ZNF804A: variants seen among roughly 807,000 people sequenced by gnomAD.
ZNF804A encodes the protein zinc finger protein 804A.
A neutral mutation model predicts 16.5 loss-of-function variants in ZNF804A; 2 were observed. That is an observed-to-expected ratio of 0.12 (90% CI 0.05 to 0.38). The LOEUF (loss-of-function observed/expected upper bound fraction) is 0.38, where lower values mean the gene tolerates loss of function less well. Ranked by LOEUF, ZNF804A falls within the 10% of genes least tolerant of loss-of-function variation. The probability of loss-of-function intolerance (pLI) is 0.99; values close to 1 mark genes in which losing one functional copy is unlikely to be tolerated. For synonymous variants in ZNF804A, 534 were observed against 489.6 expected (o/e 1.09, Z -1.20); for missense variants, 1,473 against 1,390.7 (o/e 1.06, Z -0.94).
intron 2 of ZNF804A, among the ~76,000 whole-genome samples, chr2:184,882,529 T>A (rs1684824378): frequency 6.6e-6 from 1 of 151,926 alleles, no homozygotes; most frequent in South Asian, 2.1e-4. Context: ...ACATGGCACA[T>A]ACTCACGATC....
At chr2:184,818,457 T>C (rs1348174393) in intron 1 of ZNF804A, among the ~76,000 whole-genome samples, 2 of 151,596 alleles carry the variant, frequency 1.3e-5, no homozygotes, top group Non-Finnish European at 3.0e-5. Flanking sequence ...AAAAAAATAC[T>C]GTAATCCACA....
At chr2:184,838,648 T>G (rs1453396801) in intron 1 of ZNF804A, among the ~76,000 whole-genome samples, 2 of 149,776 alleles carry the variant, frequency 1.3e-5, no homozygotes, top group Non-Finnish European at 2.9e-5. Context: ...TTTCTGTGTA[T>G]GCCTTATTTA....
intron 1 of ZNF804A, among the ~76,000 whole-genome samples, chr2:184,667,825 A>T (rs1383584050): frequency 6.6e-6 from 1 of 151,896 alleles, no homozygotes; most frequent in East Asian, 1.9e-4. Flanking sequence ...TGTGAAAATT[A>T]TTTAAAATTT....
intron 1 of ZNF804A, among the ~76,000 whole-genome samples, chr2:184,751,226 A>G (rs926127498): frequency 2.0e-5 from 3 of 151,386 alleles, no homozygotes; most frequent in Non-Finnish European, 4.4e-5. Context: ...TGGTTGTTCT[A>G]TTTTTAAATA....
At chr2:184,741,277 A>G (rs6434100) in intron 1 of ZNF804A, among the ~76,000 whole-genome samples, 50,985 of 152,090 alleles carry the variant, frequency 0.34, 11,901 homozygotes, top group African/African-American at 0.67. Context: ...TAAGAAAGTA[A>G]TAAACACTGA....
In ZNF804A at chr2:184,608,039, G is replaced by A. The variant is rs990728584; in HGVS notation, c.111+8969G>A. The stretch of plus-strand genomic sequence containing the variant: ...CGGCTCACTGCAAGCTCCGCCTCCC[G>A]GGTTCACGCCATTCTCCTGCCTCAG... On this transcript the variant is annotated intron_variant, in intron 1 of 3. Coordinates refer to ENST00000302277, the MANE Select transcript of ZNF804A (RefSeq NM_194250.2). Among the ~76,000 whole-genome samples the A allele has an allele frequency of 5.6e-5, 7 of 125,922 alleles. No individual in the cohort carries two copies. The South Asian group carries it at 1.1e-3, about 20-fold the overall frequency. The allele number at this position is 125,922 out of a possible 152,430, so 82.6% of individuals were successfully genotyped here. A position where few individuals can be genotyped will look rare whatever the true frequency, so the allele number is the denominator to read the frequency against.
At chr2:184,875,311 C>G (rs568506480) in intron 2 of ZNF804A, among the ~76,000 whole-genome samples, 1 of 152,134 alleles carries the variant, frequency 6.6e-6, no homozygotes, top group Non-Finnish European at 1.5e-5. Context: ...GATCTCTGGG[C>G]TGATCCTTTA....
At chr2:184,653,715 G>T (rs1692027099) in intron 1 of ZNF804A, among the ~76,000 whole-genome samples, 1 of 152,164 alleles carries the variant, frequency 6.6e-6, no homozygotes, top group South Asian at 2.1e-4. Context: ...CATGCACAGT[G>T]CATTTACAGG....
At chr2:184,857,001 C>T (rs1004294016) in intron 1 of ZNF804A, among the ~76,000 whole-genome samples, 11 of 152,012 alleles carry the variant, frequency 7.2e-5, no homozygotes, top group African/African-American at 2.7e-4. Flanking sequence ...TTTACTATTT[C>T]GTTCCTTCTG....
At chr2:184,800,277 T>A (rs569243613) in intron 1 of ZNF804A, among the ~76,000 whole-genome samples, 1 of 152,028 alleles carries the variant, frequency 6.6e-6, no homozygotes, top group Non-Finnish European at 1.5e-5. Flanking sequence ...TCAGTAAGTC[T>A]TGCTGAAATT....
intron 1 of ZNF804A, among the ~76,000 whole-genome samples, chr2:184,846,331 G>A (rs1392226126): frequency 3.3e-5 from 5 of 152,014 alleles, no homozygotes; most frequent in Non-Finnish European, 5.9e-5. Context: ...TAATACATAC[G>A]CAGCAGATCA....
intron 1 of ZNF804A, among the ~76,000 whole-genome samples, chr2:184,733,186 A>T (rs993069716): frequency 6.6e-6 from 1 of 152,098 alleles, no homozygotes; most frequent in African/African-American, 2.4e-5. Context: ...CTTTGTCAAG[A>T]TGAGGAAGCT....
Position 184,696,994 on chromosome 2 carries a change from A to G in ZNF804A, c.111+97924A>G, listed in dbSNP as rs200505572. Reference sequence around the variant, plus strand: ...TATTTTTATATTTTAGGTTATTATTATTCACTATTAAAAAATAGTGACTTC... The same window carrying G: ...TATTTTTATATTTTAGGTTATTATTGTTCACTATTAAAAAATAGTGACTTC... On this transcript the variant is annotated intron_variant, in intron 1 of 3. Coordinates refer to ENST00000302277, the MANE Select transcript of ZNF804A (RefSeq NM_194250.2). Among the ~76,000 whole-genome samples the G allele has an allele frequency of 6.6e-5, 10 of 152,098 alleles. No individual in the cohort carries two copies. The East Asian group carries it at 1.5e-3, about 23-fold the overall frequency.
At position 184,879,954 on chromosome 2, in the gene ZNF804A, G is replaced by A. The variant is rs566383468; in HGVS notation, c.255+13442G>A. Among the ~76,000 whole-genome samples, 231 of 151,956 alleles carry A rather than the reference G, an allele frequency of 1.5e-3. 14 individuals are homozygous for A. Among genetic ancestry groups the A allele is most frequent in the Non-Finnish European group, 9.9e-4 (67 of 67,950 alleles). Reference sequence around the variant, plus strand: ...GCTTGTAACTGGCTTTGGTTTAAGCGATTTTTCACATTTTTTTCTAAGCAT... The same window carrying A: ...GCTTGTAACTGGCTTTGGTTTAAGCAATTTTTCACATTTTTTTCTAAGCAT... On this transcript the variant is annotated intron_variant, in intron 2 of 3. Transcript: ENST00000302277.
At chr2:184,871,757 A>G (rs1695980164) in intron 2 of ZNF804A, among the ~76,000 whole-genome samples, 1 of 152,036 alleles carries the variant, frequency 6.6e-6, no homozygotes, top group Non-Finnish European at 1.5e-5. Flanking sequence ...GTTTAAGAAA[A>G]TAAAAGATTA....
chr2:184,892,483 C>CTTTTTTTTTTT (rs869292193), intron 2 of ZNF804A, among the ~76,000 whole-genome samples: 4 of 105,708 alleles, frequency 3.8e-5, no homozygotes, highest in Non-Finnish European at 7.3e-5. Context: ...TTGTTGTGTT[C>CTTTTTTTTTTT]TTTTTTTTTT....
chr2:184,830,196 T>C (rs1048306532), intron 1 of ZNF804A, among the ~76,000 whole-genome samples: 2 of 152,204 alleles, frequency 1.3e-5, no homozygotes, highest in East Asian at 3.9e-4. Flanking sequence ...ACTACTTATG[T>C]ATGTAAAGTG....
rs1198100909 is a variant in ZNF804A at position 184,600,701 on chromosome 2, A to G, written c.111+1631A>G. The stretch of plus-strand genomic sequence containing the variant: ...ATAAAATGCATAGTGGGGTTTATAG[A>G]AAAAAAAAGTTATTTTCCAAACCTC... On this transcript the variant is annotated intron_variant, in intron 1 of 3. Transcript: ENST00000302277. 4.1e-5 allele frequency among the ~76,000 whole-genome samples: 6 copies of G among 147,876 alleles called. No homozygotes were observed. The East Asian group carries it at 9.7e-4, about 24-fold the overall frequency.
chr2:184,829,932 A>C (rs867002489), intron 1 of ZNF804A, among the ~76,000 whole-genome samples: 3 of 138,160 alleles, frequency 2.2e-5, no homozygotes, highest in East Asian at 3.9e-4. Flanking sequence ...ACAAAAACAA[A>C]AAAAAAAAAA....
Sources: allele counts gnomAD v4.1 joint callset (sites outside exome capture counted in the v4.1 genomes callset), GRCh38; gene constraint gnomAD v4.1.1; transcripts MANE v1.5; gene names NCBI Gene and HGNC (gene_info 2026-07-23, HGNC 2026-07-21).